Variants in SVEP1 observed in about 807,000 individuals in gnomAD.
SVEP1 encodes the protein sushi, von Willebrand factor type A, EGF and pentraxin domain containing 1.
Under a neutral mutation model 367.3 loss-of-function variants are expected in SVEP1, and 164 were observed. The observed-to-expected ratio is 0.45, with a 90% CI of 0.39 to 0.51. The LOEUF is 0.51. Ranked by LOEUF, SVEP1 falls within the 20% of genes least tolerant of loss-of-function variation. The pLI, the probability that SVEP1 is intolerant of heterozygous loss-of-function variation, is 0.00. For missense variants in SVEP1, 4,117 were observed against 4,425.3 expected (o/e 0.93, Z 1.98); for synonymous variants, 1,666 against 1,611.6 (o/e 1.03, Z -0.81).
intron 1 of SVEP1, among the ~76,000 whole-genome samples, chr9:110,555,455 A>G (rs1327720629): frequency 6.6e-6 from 1 of 152,202 alleles, no homozygotes; most frequent in African/African-American, 2.4e-5. Context: ...CACCAAAGAT[A>G]AAATTATGTG....
chr9:110,539,125 T>C (rs1484155210), intron 3 of SVEP1, among the ~76,000 whole-genome samples: 1 of 152,088 alleles, frequency 6.6e-6, no homozygotes, highest in Non-Finnish European at 1.5e-5. Flanking sequence ...TGACATCCTT[T>C]TTCTTGAGCA....
chr9:110,559,890 T>C (rs1361509580), intron 1 of SVEP1, among the ~76,000 whole-genome samples: 2 of 152,134 alleles, frequency 1.3e-5, no homozygotes, highest in Non-Finnish European at 1.5e-5. Context: ...TATTGAACAC[T>C]ATTAAATTTA....
chr9:110,467,406 A>G (rs1446713656), intron 17 of SVEP1, among the ~76,000 whole-genome samples: 10 of 152,178 alleles, frequency 6.6e-5, no homozygotes, highest in Non-Finnish European at 1.0e-4. Context: ...TGTGAGATTC[A>G]AGAACAGAAT....
At chr9:110,429,446 AT>A (rs1023531066) in intron 34 of SVEP1, 112 bp from the exon 35 acceptor site, 43 of 783,668 alleles carry the variant, frequency 5.5e-5, no homozygotes, top group African/African-American at 3.5e-4. Flanking sequence ...GGAAAAGTTG[AT>A]TTTTTTTCCT....
chr9:110,443,054 T>TG (rs1017590980), intron 27 of SVEP1: 3 of 152,388 alleles, frequency 2.0e-5, no homozygotes, highest in African/African-American at 7.2e-5. Context: ...CCATGTACAA[T>TG]GCTGAGAACC....
At chr9:110,460,728 G>A (rs1003461371) in intron 18 of SVEP1, among the ~76,000 whole-genome samples, 9 of 151,594 alleles carry the variant, frequency 5.9e-5, no homozygotes, top group African/African-American at 2.2e-4. Flanking sequence ...ACTCCAGCCT[G>A]AGCAACGGAG....
In SVEP1 at chr9:110,472,337, G is replaced by A. The variant is rs542389943; in HGVS notation, c.2600-14C>T. ...AGCCACCTGGTCCTGGATAGTCGGG[G>A]CAGAGACACAAATGATCACACAGTT... is the stretch of plus-strand genomic sequence containing the variant. On this transcript the variant is annotated splice_polypyrimidine_tract_variant and intron_variant, in intron 14 of 47. Coordinates refer to ENST00000374469, the MANE Select transcript of SVEP1 (RefSeq NM_153366.4). 27 of 1,548,086 alleles carry A rather than the reference G, an allele frequency of 1.7e-5. No individual in the cohort carries two copies. In the African/African-American group the frequency reaches 1.8e-4, roughly 11 times the overall value.
chr9:110,578,654 A>C (rs946223665), intron 1 of SVEP1, among the ~76,000 whole-genome samples: 6 of 152,210 alleles, frequency 3.9e-5, no homozygotes, highest in Non-Finnish European at 7.3e-5. Flanking sequence ...ATATCACTCC[A>C]TGTCCTACCT....
chr9:110,384,932 G>A (rs1423666793), intron 43 of SVEP1, among the ~76,000 whole-genome samples: 1 of 152,142 alleles, frequency 6.6e-6, no homozygotes. Flanking sequence ...GTAGTAGCTT[G>A]GACAACAAAT....
Position 110,487,670 on chromosome 9 carries a change from C to T in SVEP1, c.1930+1980G>A, listed in dbSNP as rs191269637. The stretch of plus-strand genomic sequence containing the variant: ...TAAAATAAACATATGAAAAATAGAC[C>T]TGAGATAAATGTTGCAAAATGTCAG... On this transcript the variant is annotated intron_variant, in intron 9 of 47. Coordinates refer to ENST00000374469, the MANE Select transcript of SVEP1 (RefSeq NM_153366.4). 1.1e-4 allele frequency among the ~76,000 whole-genome samples: 16 copies of T among 151,886 alleles called. No individual in the cohort carries two copies. The East Asian group carries it at 3.1e-3, about 29-fold the overall frequency.
At chr9:110,497,979 A>T (rs200981056) in intron 7 of SVEP1, among the ~76,000 whole-genome samples, 1 of 151,962 alleles carries the variant, frequency 6.6e-6, no homozygotes, top group African/African-American at 2.4e-5. Flanking sequence ...AAAAATTTTT[A>T]AAAAGTATTT....
chr9:110,427,069 A>G (rs2254165), intron 36 of SVEP1, among the ~76,000 whole-genome samples: 129,694 of 151,966 alleles, frequency 0.85, 55,902 homozygotes, highest in African/African-American at 0.97. Flanking sequence ...AGGCTGAGGC[A>G]AGTGGATCAC....
At chr9:110,395,003 A>T (rs1175538187) in intron 40 of SVEP1, among the ~76,000 whole-genome samples, 1 of 152,168 alleles carries the variant, frequency 6.6e-6, no homozygotes, top group African/African-American at 2.4e-5. Flanking sequence ...TACAGAGACC[A>T]CCACAAAGAT....
At chr9:110,453,715 A>C (rs1188323495) in intron 22 of SVEP1, among the ~76,000 whole-genome samples, 2 of 151,964 alleles carry the variant, frequency 1.3e-5, no homozygotes, top group Non-Finnish European at 2.9e-5. Context: ...TAAAAATACA[A>C]AAAATTAGCC....
intron 5 of SVEP1, 159 bp downstream of exon 5, chr9:110,512,767 G>C (rs750447115): frequency 2.1e-5 from 18 of 853,692 alleles, no homozygotes; most frequent in Non-Finnish European, 3.0e-5. Flanking sequence ...AATTGAACTT[G>C]GTAATTCTGA....
At chr9:110,427,817 A>T in intron 35 of SVEP1, 59 bp from the exon 36 acceptor site, 2 of 1,532,066 alleles carry the variant, frequency 1.3e-6, no homozygotes, top group Non-Finnish European at 1.8e-6. Context: ...TATGGAGATA[A>T]AACAGGAAGA....
chr9:110,389,580 C>G lies in SVEP1; in HGVS notation c.9830G>C (p.Arg3277Thr). 2 of 1,613,716 alleles carry G rather than the reference C, an allele frequency of 1.2e-6. No individual in the cohort carries two copies. The highest frequency in any genetic ancestry group is 1.7e-6 in the Non-Finnish European group (2 of 1,179,760). The stretch of plus-strand genomic sequence containing the variant: ...TCTGTTCTCCTGGCAGACACGTTCC[C>G]TGTTCCCCTGTGAAACAATGGAGAA... ...CEPGYELEGN[R>T]ERVCQENRQW... is the part of the protein sequence containing the mutation. Residue 3277 changes from arginine (R) to threonine (T), a missense_variant, in exon 41 of 48, where the codon AGG (arginine) becomes ACG (threonine). Transcript: ENST00000374469.
intron 3 of SVEP1, among the ~76,000 whole-genome samples, chr9:110,526,517 AT>A (rs1396796070): frequency 3.3e-5 from 5 of 152,130 alleles, no homozygotes; most frequent in Admixed American, 3.3e-4. Context: ...AAAATGAAAA[AT>A]AGTGACGACA....
intron 5 of SVEP1, among the ~76,000 whole-genome samples, chr9:110,508,936 A>C (rs1829669028): frequency 2.0e-5 from 3 of 152,200 alleles, no homozygotes; most frequent in Admixed American, 2.0e-4. Context: ...AAAAGGCTTT[A>C]GATTTTATGC....
Sources: allele counts gnomAD v4.1 joint callset (sites outside exome capture counted in the v4.1 genomes callset), GRCh38; gene constraint gnomAD v4.1.1; transcripts MANE v1.5; gene names NCBI Gene and HGNC (gene_info 2026-07-23, HGNC 2026-07-21).